Variants in PDE1C observed in about 807,000 individuals in gnomAD.
PDE1C encodes the protein dual specificity calcium/calmodulin-dependent 3',5'-cyclic nucleotide phosphodiesterase 1C.
A neutral mutation model predicts 93.1 loss-of-function variants in PDE1C; 62 were observed. The observed-to-expected ratio is 0.67, with a 90% confidence interval of 0.54 to 0.82. The LOEUF (loss-of-function observed/expected upper bound fraction) is 0.82, where lower values mean the gene tolerates loss of function less well. Among genes scored for constraint, PDE1C ranks in the 40% least tolerant of loss-of-function variants. PDE1C has a pLI of 0.00. For missense variants in PDE1C, 742 were observed against 884.6 expected (o/e 0.84, Z 2.04); for synonymous variants, 325 against 310.1 (o/e 1.05, Z -0.50).
chr7:31,961,279 TATAC>T (rs747091598), intron 2 of PDE1C, among the ~76,000 whole-genome samples: 56 of 151,870 alleles, frequency 3.7e-4, no homozygotes, highest in Middle Eastern at 3.4e-3. Context: ...CACAGGCTAT[TATAC>T]ATTATATACA....
intron 3 of PDE1C, among the ~76,000 whole-genome samples, chr7:32,076,453 C>A (rs565600190): frequency 6.6e-6 from 1 of 151,818 alleles, no homozygotes; most frequent in African/African-American, 2.4e-5. Flanking sequence ...CCAGCCTGGC[C>A]AAGATGGCAA....
intron 16 of PDE1C, chr7:31,790,021 C>T: frequency 1.5e-6 from 2 of 1,328,640 alleles, no homozygotes; most frequent in Non-Finnish European, 1.9e-6. Flanking sequence ...GGGGAATATC[C>T]CCCAGAGTTC....
chr7:31,784,008 T>C (rs868209634), intron 16 of PDE1C: 1 of 152,190 alleles, frequency 6.6e-6, no homozygotes, highest in Non-Finnish European at 1.5e-5. Flanking sequence ...CTCCAAAGAA[T>C]TGTTTATTCA....
At chr7:32,225,933 T>G (rs10951325) in intron 1 of PDE1C, among the ~76,000 whole-genome samples, 3 of 151,900 alleles carry the variant, frequency 2.0e-5, no homozygotes, top group South Asian at 2.1e-4. Flanking sequence ...TGGCACGTGC[T>G]TGTAGTCCCA....
chr7:32,404,519 A>T (rs754182569), intron 1 of PDE1C, among the ~76,000 whole-genome samples: 14 of 151,758 alleles, frequency 9.2e-5, no homozygotes, highest in Non-Finnish European at 1.5e-4. Context: ...CCACCTGGCT[A>T]ATTTTTTTAT....
the PDE1C span, among the ~76,000 whole-genome samples, chr7:31,645,616 C>CCAT: frequency 1.3e-5 from 2 of 152,140 alleles, no homozygotes; most frequent in African/African-American, 4.8e-5. Flanking sequence ...CCCACCACCA[C>CCAT]CATCATCATT....
At chr7:31,694,380 T>TCAAACACACACACACA in the PDE1C span, among the ~76,000 whole-genome samples, 264 of 109,178 alleles carry the variant, frequency 2.4e-3, no homozygotes, top group African/African-American at 9.7e-3. Context: ...TCTCTCTCTC[T>TCAAACACACACACACA]CTCTCAAACA....
intron 2 of PDE1C, among the ~76,000 whole-genome samples, chr7:32,025,302 G>A (rs1263210528): frequency 1.3e-5 from 2 of 152,124 alleles, no homozygotes; most frequent in Non-Finnish European, 2.9e-5. Context: ...CCAACAGAGA[G>A]GTCAGACACA....
the PDE1C span, among the ~76,000 whole-genome samples, chr7:31,644,711 A>C: frequency 6.6e-6 from 1 of 152,174 alleles, no homozygotes; most frequent in African/African-American, 2.4e-5. Flanking sequence ...CTTTTTAGTA[A>C]GTTTTTAAGG....
At chr7:31,666,489 C>G in the PDE1C span, among the ~76,000 whole-genome samples, 9 of 152,030 alleles carry the variant, frequency 5.9e-5, no homozygotes, top group Admixed American at 5.2e-4. Flanking sequence ...ATACATTTTA[C>G]ACAATTAACT....
At chr7:31,987,432 G>A (rs556488466) in intron 2 of PDE1C, among the ~76,000 whole-genome samples, 1 of 152,242 alleles carries the variant, frequency 6.6e-6, no homozygotes, top group Non-Finnish European at 1.5e-5. Context: ...GTCACCTCAG[G>A]AGCAGTGGAG....
At chr7:32,085,852 C>T (rs1323796357) in intron 3 of PDE1C, among the ~76,000 whole-genome samples, 2 of 145,772 alleles carry the variant, frequency 1.4e-5, no homozygotes, top group Non-Finnish European at 3.0e-5. Context: ...TGGGACGTAT[C>T]TCAAAATAAT....
the PDE1C span, chr7:31,697,091 C>A: frequency 7.4e-6 from 12 of 1,613,966 alleles, no homozygotes; most frequent in Admixed American, 1.7e-5. Context: ...GACACACCTG[C>A]CCTGCACATG....
At chr7:32,288,078 C>G (rs953792324) in intron 1 of PDE1C, among the ~76,000 whole-genome samples, 1 of 152,074 alleles carries the variant, frequency 6.6e-6, no homozygotes, top group African/African-American at 2.4e-5. Context: ...CACTTGAACC[C>G]GGAAGGCAGA....
intron 2 of PDE1C, among the ~76,000 whole-genome samples, chr7:32,033,852 G>C (rs1426752510): frequency 6.6e-6 from 1 of 151,994 alleles, no homozygotes; most frequent in Non-Finnish European, 1.5e-5. Context: ...GATTAGACCT[G>C]GACATTTAAA....
At chr7:32,343,142 A>T (rs1383010610) in intron 1 of PDE1C, among the ~76,000 whole-genome samples, 1 of 152,194 alleles carries the variant, frequency 6.6e-6, no homozygotes, top group Admixed American at 6.5e-5. Context: ...ACAGCAGGAA[A>T]GGCAGAAACA....
At chr7:32,034,054 CTGTGTGTGTGTGTG>C (rs5883321) in intron 2 of PDE1C, among the ~76,000 whole-genome samples, 2 of 148,396 alleles carry the variant, frequency 1.3e-5, no homozygotes, top group Non-Finnish European at 3.0e-5. Flanking sequence ...AGATGAGAGA[CTGTGTGTGTGTGTG>C]TGTGTGTGTG....
Position 32,390,562 on chromosome 7 carries a change from C to T in PDE1C, c.310+37260G>A, listed in dbSNP as rs1044869435. On this transcript the variant is annotated intron_variant, in intron 1 of 1. Coordinates refer to the PDE1C transcript ENST00000672256. Reference sequence around the variant, plus strand: ...CATTGAAAAAAAAAAAAAAAAAAAACTTGGCCAGTCACACCAGTTCATCCC... The same window carrying T: ...CATTGAAAAAAAAAAAAAAAAAAAATTTGGCCAGTCACACCAGTTCATCCC... 2.2e-5 allele frequency among the ~76,000 whole-genome samples: 3 copies of T among 136,680 alleles called. 1 individual carries two copies. In the Middle Eastern group the frequency reaches 0.012, roughly 547 times the overall value. The allele number at this position is 136,680 out of a possible 152,430, so 89.7% of individuals were successfully genotyped here.
At chr7:32,169,706 A>G in intron 3 of PDE1C, 1 of 1,223,256 alleles carries the variant, frequency 8.2e-7, no homozygotes, top group Non-Finnish European at 1.2e-6. Context: ...TGCTGGCCAC[A>G]CTGACTATGC....
Sources: allele counts gnomAD v4.1 joint callset (sites outside exome capture counted in the v4.1 genomes callset), GRCh38; gene constraint gnomAD v4.1.1; transcripts MANE v1.5; gene names NCBI Gene and HGNC (gene_info 2026-07-23, HGNC 2026-07-21).